TNFRSF8: variants seen among roughly 807,000 people sequenced by gnomAD.
The protein encoded by TNFRSF8 is tumor necrosis factor receptor superfamily member 8.
A neutral mutation model predicts 70.8 loss-of-function variants in TNFRSF8; 26 were observed. That is an observed-to-expected ratio of 0.37 (90% CI 0.27 to 0.51). The LOEUF (loss-of-function observed/expected upper bound fraction) is 0.51. Among genes scored for constraint, TNFRSF8 ranks in the 20% least tolerant of loss-of-function variants. The pLI is 0.94. For missense variants in TNFRSF8, 720 were observed against 807.9 expected (o/e 0.89, Z 1.32); for synonymous variants, 356 against 339.2 (o/e 1.05, Z -0.54).
At chr1:12,127,999 A>G (rs1641972517) in intron 12 of TNFRSF8, among the ~76,000 whole-genome samples, 1 of 152,148 alleles carries the variant, frequency 6.6e-6, no homozygotes, top group African/African-American at 2.4e-5. Flanking sequence ...GAGGCTCAAG[A>G]TGGACAGAAA....
At chr1:12,117,114 G>A (rs1279420235) in intron 8 of TNFRSF8, among the ~76,000 whole-genome samples, 3 of 151,684 alleles carry the variant, frequency 2.0e-5, no homozygotes, top group Non-Finnish European at 2.9e-5. Flanking sequence ...ATGGAGTCTC[G>A]CTGTCTTGCC....
chr1:12,083,237 A>G (rs1458154386), intron 1 of TNFRSF8, among the ~76,000 whole-genome samples: 1 of 152,246 alleles, frequency 6.6e-6, no homozygotes, highest in Non-Finnish European at 1.5e-5. Flanking sequence ...CTACTTTAGA[A>G]GCCTGGATGG....
chr1:12,100,101 G>A (rs547294292), intron 3 of TNFRSF8, among the ~76,000 whole-genome samples: 1 of 152,138 alleles, frequency 6.6e-6, no homozygotes, highest in Admixed American at 6.6e-5. Context: ...CCTGGGAGGC[G>A]GAGGTTGCAG....
chr1:12,075,906 C>A (rs1315385294), intron 1 of TNFRSF8, among the ~76,000 whole-genome samples: 1 of 152,164 alleles, frequency 6.6e-6, no homozygotes, highest in African/African-American at 2.4e-5. Context: ...TGGAGACATG[C>A]CAGCCCTGAG....
Position 12,110,188 on chromosome 1 carries a change from G to T in TNFRSF8, c.660G>T (p.Arg220Ser). ...CCGACTCTCCCTCCTCTGTGGGAAG[G>T]CCTAGTTCAGATCCAGGTAATTTCC... is the stretch of plus-strand genomic sequence containing the variant. ...RAPDSPSSVG[R>S]PSSDPGLSPT... The change falls in exon 6 of 15, where the codon AGG becomes AGT. Residue 220 changes from arginine to serine, a missense_variant. Coordinates refer to ENST00000263932, the MANE Select transcript of TNFRSF8 (RefSeq NM_001243.5). This position sits in a 1 kb window ranked among gnomAD's most constrained non-coding sequence, Gnocchi z 4.0. 1 of 1,596,580 alleles carries T rather than the reference G, an allele frequency of 6.3e-7. No homozygotes were observed. Among genetic ancestry groups the T allele is most frequent in the Non-Finnish European group, 8.5e-7 (1 of 1,170,386 alleles).
chr1:12,132,940 A>T (rs1257082096), intron 12 of TNFRSF8, among the ~76,000 whole-genome samples: 1 of 151,110 alleles, frequency 6.6e-6, no homozygotes, highest in Non-Finnish European at 1.5e-5. Context: ...AGTTGATGTG[A>T]TTCATCCCAT....
intron 8 of TNFRSF8, 38 bp from the exon 9 acceptor site, chr1:12,123,246 C>T: frequency 6.4e-7 from 1 of 1,568,980 alleles, no homozygotes. Flanking sequence ...CACCAGCCTC[C>T]TTGGCGCTGG....
intron 4 of TNFRSF8, among the ~76,000 whole-genome samples, chr1:12,106,499 C>G (rs975750727): frequency 6.6e-6 from 1 of 152,190 alleles, no homozygotes; most frequent in Non-Finnish European, 1.5e-5. Flanking sequence ...TGGCTGGAAG[C>G]TTCCTGAGGG....
chr1:12,111,695 A>G (rs1385432997), intron 6 of TNFRSF8, among the ~76,000 whole-genome samples: 1 of 152,090 alleles, frequency 6.6e-6, no homozygotes, highest in Non-Finnish European at 1.5e-5. Context: ...TTGGGGGGCA[A>G]TGAGTACCCT....
intron 7 of TNFRSF8, among the ~76,000 whole-genome samples, chr1:12,114,210 C>T (rs1198228664): frequency 6.6e-6 from 1 of 152,174 alleles, no homozygotes; most frequent in African/African-American, 2.4e-5. Flanking sequence ...GCCTCAGTTT[C>T]CTCTGCTGCA....
At chr1:12,080,510 T>G (rs952565753) in intron 1 of TNFRSF8, 21 of 498,106 alleles carry the variant, frequency 4.2e-5, no homozygotes, top group Non-Finnish European at 7.9e-5. Flanking sequence ...GTCGAGCTTG[T>G]TTCTCCTGGG....
intron 10 of TNFRSF8, 42 bp from the exon 11 acceptor site, chr1:12,125,909 G>A (rs752544071): frequency 1.3e-6 from 2 of 1,542,428 alleles, no homozygotes; most frequent in Non-Finnish European, 1.8e-6. Context: ...GTCTTGTGTG[G>A]TTGCAGCAAG....
In TNFRSF8 at chr1:12,143,614, A is replaced by C. The variant is rs1400397199; in HGVS notation, c.*1083A>C. The C allele has an allele frequency of 6.6e-6, 1 of 152,270 alleles. No individual in the cohort carries two copies. Among genetic ancestry groups the C allele is most frequent in the Non-Finnish European group, 1.5e-5 (1 of 68,074 alleles). The allele number at this position is 152,270 out of a possible 1,614,324, so 9.4% of individuals were successfully genotyped here. ...ATCTGCTTTACTCTGGACCATAGGAAACAAGACCGTTTGGAGGTTTCATCA... is the reference window on the plus strand; with the variant it reads ...ATCTGCTTTACTCTGGACCATAGGACACAAGACCGTTTGGAGGTTTCATCA... On this transcript the variant is annotated 3_prime_UTR_variant, in exon 15 of 15. Transcript: ENST00000263932. This position sits in a 1 kb window ranked among gnomAD's most constrained non-coding sequence, Gnocchi z 4.1.
chr1:12,104,334 G>A (rs11569850), intron 3 of TNFRSF8, 45 bp from the exon 4 acceptor site: 10 of 1,610,926 alleles, frequency 6.2e-6, no homozygotes, highest in East Asian at 4.5e-5. Context: ...CTGGAGAGAC[G>A]CCTTCCTTCT....
intron 1 of TNFRSF8, 141 bp from the exon 2 acceptor site, chr1:12,084,323 G>GA (rs961737828): frequency 1.3e-6 from 1 of 759,950 alleles, no homozygotes; most frequent in Non-Finnish European, 2.3e-6. Context: ...GGCGGTGTGG[G>GA]TTTGTGGAAT....
chr1:12,138,499 G>A lies in TNFRSF8; in HGVS notation c.1543+63G>A, dbSNP rs968330330. On this transcript the variant is annotated intron_variant, in intron 14 of 14. Coordinates refer to ENST00000263932, the MANE Select transcript of TNFRSF8 (RefSeq NM_001243.5). This position sits in a 1 kb window ranked among gnomAD's most constrained non-coding sequence, Gnocchi z 5.7. ...GGGGCAGATGGGAGATGAATACGGG[G>A]CCCTGGGCCCTGGAAGGGACCTGGA... The A allele has an allele frequency of 4.1e-6, 6 of 1,468,476 alleles. No homozygotes were observed. The Admixed American group carries it at 6.9e-5, about 17-fold the overall frequency. The allele number at this position is 1,468,476 out of a possible 1,614,324, so 91.0% of individuals were successfully genotyped here.
At chr1:12,093,982 C>G (rs1641287624) in intron 2 of TNFRSF8, among the ~76,000 whole-genome samples, 1 of 148,618 alleles carries the variant, frequency 6.7e-6, no homozygotes, top group Admixed American at 7.0e-5. Context: ...TCACTTGAAC[C>G]TGGGAGGCGG....
In TNFRSF8 at chr1:12,112,200, C is replaced by T. The variant is rs1056555630; in HGVS notation, c.793+186C>T. 3.9e-5 allele frequency among the ~76,000 whole-genome samples: 6 copies of T among 151,982 alleles called. No homozygotes were observed. The highest frequency in any genetic ancestry group is 1.2e-4 in the African/African-American group (5 of 41,372). Reference sequence around the variant, plus strand: ...GTGAATCACCCACCTGTTCCAAACTCGGCTCATCAATGTTTGTAACTACTC... The same window carrying T: ...GTGAATCACCCACCTGTTCCAAACTTGGCTCATCAATGTTTGTAACTACTC... On this transcript the variant is annotated intron_variant, in intron 7 of 14. Coordinates refer to ENST00000263932, the MANE Select transcript of TNFRSF8 (RefSeq NM_001243.5). This position sits in a 1 kb window ranked among gnomAD's most constrained non-coding sequence, Gnocchi z 5.3.
At chr1:12,097,066 A>G in intron 2 of TNFRSF8, 35 bp from the exon 3 acceptor site, 4 of 1,582,772 alleles carry the variant, frequency 2.5e-6, no homozygotes, top group Non-Finnish European at 3.5e-6. Flanking sequence ...TTGCTAAGTC[A>G]GCCTGGCTTG....
Sources: gnomAD v4.1 joint callset for allele counts (sites outside exome capture counted in the v4.1 genomes callset) on GRCh38, gnomAD v4.1.1 for gene constraint, Gnocchi (gnomAD v3.1) non-coding constraint, MANE v1.5 for transcripts, NCBI Gene and HGNC (gene_info 2026-07-23, HGNC 2026-07-21) for gene names.